ENTPD1: variants seen among roughly 807,000 people sequenced by gnomAD.
ENTPD1 encodes the protein ectonucleoside triphosphate diphosphohydrolase 1, also known as ATP diphosphohydrolase.
A neutral mutation model predicts 57.0 loss-of-function variants in ENTPD1; 33 were observed. The observed-to-expected ratio is 0.58, with a 90% CI of 0.44 to 0.77. The LOEUF (loss-of-function observed/expected upper bound fraction) is 0.77, where lower values mean the gene tolerates loss of function less well. Ranked by LOEUF, ENTPD1 falls within the 30% of genes least tolerant of loss-of-function variation. The probability of loss-of-function intolerance (pLI) is 0.00; values close to 1 mark genes in which losing one functional copy is unlikely to be tolerated. For missense variants in ENTPD1, 501 were observed against 603.4 expected (o/e 0.83, Z 1.78); for synonymous variants, 202 against 218.8 (o/e 0.92, Z 0.68).
intron 1 of ENTPD1, among the ~76,000 whole-genome samples, chr10:95,792,975 C>T (rs1360157320): frequency 1.3e-5 from 2 of 152,158 alleles, no homozygotes; most frequent in Admixed American, 6.5e-5. Context: ...CAGCATCTTG[C>T]CAGGGTGCTG....
intron 1 of ENTPD1, among the ~76,000 whole-genome samples, chr10:95,810,070 G>A (rs368378047): frequency 7.1e-5 from 10 of 140,432 alleles, no homozygotes; most frequent in African/African-American, 1.6e-4. Flanking sequence ...ACAGGGTCGC[G>A]GTCGGGCAGA....
At chr10:95,821,784 G>A (rs1226791232) in intron 1 of ENTPD1, among the ~76,000 whole-genome samples, 1 of 152,088 alleles carries the variant, frequency 6.6e-6, no homozygotes, top group Non-Finnish European at 1.5e-5. Context: ...CTTAATCCAA[G>A]CTTAGACTTG....
At chr10:95,823,149 T>C in intron 1 of ENTPD1, 88 bp from the exon 2 acceptor site, 1 of 1,522,868 alleles carries the variant, frequency 6.6e-7, no homozygotes, top group Non-Finnish European at 9.1e-7. Flanking sequence ...TGTCTCCAGG[T>C]AGCCATTACA....
At chr10:95,838,066 A>G (rs1394416492) in intron 2 of ENTPD1, among the ~76,000 whole-genome samples, 1 of 152,176 alleles carries the variant, frequency 6.6e-6, no homozygotes, top group African/African-American at 2.4e-5. Flanking sequence ...TGCAGCTTAA[A>G]TAAGCAGCCA....
At chr10:95,698,535 G>A in the ENTPD1 span, among the ~76,000 whole-genome samples, 1 of 152,210 alleles carries the variant, frequency 6.6e-6, no homozygotes, top group African/African-American at 2.4e-5. Context: ...TTAGACAAGG[G>A]AAGAAAGATC....
intron 1 of ENTPD1, among the ~76,000 whole-genome samples, chr10:95,811,103 G>A (rs2098304867): frequency 6.6e-6 from 1 of 152,212 alleles, no homozygotes. Flanking sequence ...TATCCAGATG[G>A]CATTTCTCGC....
intron 1 of ENTPD1, among the ~76,000 whole-genome samples, chr10:95,733,167 ATTCTCT>A (rs1161569843): frequency 1.3e-5 from 2 of 152,202 alleles, no homozygotes; most frequent in Non-Finnish European, 2.9e-5. Context: ...CTGGGAATGC[ATTCTCT>A]TTCTCAGGGC....
At chr10:95,721,769 G>A (rs960140400) in intron 1 of ENTPD1, among the ~76,000 whole-genome samples, 2 of 151,848 alleles carry the variant, frequency 1.3e-5, no homozygotes, top group African/African-American at 4.8e-5. Flanking sequence ...TGGTCCTAAT[G>A]CTTATTGCTT....
chr10:95,771,153 T>C (rs1303377823), intron 1 of ENTPD1, among the ~76,000 whole-genome samples: 1 of 152,224 alleles, frequency 6.6e-6, no homozygotes, highest in Non-Finnish European at 1.5e-5. Context: ...GACAATTGAA[T>C]GGCTTTTACC....
chr10:95,728,316 TAAAGA>T (rs58948504), intron 1 of ENTPD1, among the ~76,000 whole-genome samples: 75,725 of 151,416 alleles, frequency 0.5, 19,365 homozygotes, highest in Admixed American at 0.6. Context: ...GTAAGCTAAG[TAAAGA>T]AAAGATTATT....
In ENTPD1 at chr10:95,867,279, CATTT is replaced by C. The variant is rs1456461468; in HGVS notation, c.*898_*901del. On this transcript the variant is annotated 3_prime_UTR_variant, in exon 10 of 10. Transcript: ENST00000371205. ...ATATTAAATACGTACAAATCAGTGA[CATTT>C]AGTACATTCACAGTGTTGTGCCACC... The C allele has an allele frequency of 5.1e-6, 5 of 973,384 alleles. No individual in the cohort carries two copies. In the African/African-American group the frequency reaches 7.0e-5, roughly 14 times the overall value. 60.3% of individuals were successfully genotyped at this position (973,384 alleles called of 1,614,324 possible).
intron 1 of ENTPD1, among the ~76,000 whole-genome samples, chr10:95,714,250 G>A (rs2097968983): frequency 1.3e-5 from 2 of 152,158 alleles, no homozygotes; most frequent in African/African-American, 4.8e-5. Context: ...GGACGAGGCT[G>A]CAGTGAACTA....
At chr10:95,756,558 C>A (rs1051929045) in intron 1 of ENTPD1, 7 of 392,596 alleles carry the variant, frequency 1.8e-5, no homozygotes, top group Admixed American at 4.0e-5. Context: ...AGTCCCCTTG[C>A]AGTTTAAGAG....
intron 1 of ENTPD1, among the ~76,000 whole-genome samples, chr10:95,718,441 C>G (rs2097973963): frequency 6.6e-6 from 1 of 152,042 alleles, no homozygotes; most frequent in African/African-American, 2.4e-5. Context: ...TTTCCCTTTC[C>G]TTTCCTTTCT....
intron 7 of ENTPD1, among the ~76,000 whole-genome samples, chr10:95,857,479 T>C (rs1429465087): frequency 6.6e-6 from 1 of 152,150 alleles, no homozygotes; most frequent in East Asian, 1.9e-4. Context: ...TACATGCTCA[T>C]TATAAAAAAA....
At chr10:95,707,063 G>A (rs2097962864), upstream of ENTPD1, among the ~76,000 whole-genome samples, 1 of 152,198 alleles carries the variant, frequency 6.6e-6, no homozygotes, top group Admixed American at 6.5e-5. Flanking sequence ...TGCCTGGGAG[G>A]GTGGCCACAG....
intron 1 of ENTPD1, among the ~76,000 whole-genome samples, chr10:95,714,839 A>G (rs567551947): frequency 7.0e-4 from 106 of 152,334 alleles, no homozygotes; most frequent in Non-Finnish European, 1.3e-3. Flanking sequence ...CAGTTTAAGA[A>G]TAAGATTAGC....
At chr10:95,785,780 C>T (rs774849047) in intron 1 of ENTPD1, among the ~76,000 whole-genome samples, 4 of 152,170 alleles carry the variant, frequency 2.6e-5, no homozygotes, top group Non-Finnish European at 5.9e-5. Flanking sequence ...TGTGTGACCA[C>T]GAATATGTTA....
intron 1 of ENTPD1, among the ~76,000 whole-genome samples, chr10:95,777,876 G>A (rs569297724): frequency 6.6e-4 from 100 of 152,048 alleles, no homozygotes; most frequent in African/African-American, 2.1e-3. Context: ...ATGCCCCTCC[G>A]CCTGCCTCGC....
Sources: allele counts gnomAD v4.1 joint callset (sites outside exome capture counted in the v4.1 genomes callset), GRCh38; gene constraint gnomAD v4.1.1; transcripts MANE v1.5; gene names NCBI Gene and HGNC (gene_info 2026-07-23, HGNC 2026-07-21).